Variants in PIP5K1B observed in about 807,000 individuals in gnomAD.
The protein encoded by PIP5K1B is phosphatidylinositol 4-phosphate 5-kinase type-1 beta.
Under a neutral mutation model 67.0 loss-of-function variants are expected in PIP5K1B, and 42 were observed. The observed-to-expected ratio is 0.63, with a 90% CI of 0.49 to 0.81. PIP5K1B has a LOEUF of 0.81. Ranked by LOEUF, PIP5K1B falls within the 30% of genes least tolerant of loss-of-function variation. The pLI, the probability that PIP5K1B is intolerant of heterozygous loss-of-function variation, is 0.00. For missense variants in PIP5K1B, 459 were observed against 646.3 expected, an observed-to-expected ratio of 0.71 and a Z score of 3.14; for synonymous variants, 214 against 231.4, an observed-to-expected ratio of 0.92 and a Z score of 0.68.
At chr9:68,720,229 C>A (rs1827822462) in intron 1 of PIP5K1B, among the ~76,000 whole-genome samples, 1 of 152,210 alleles carries the variant, frequency 6.6e-6, no homozygotes, top group African/African-American at 2.4e-5. Flanking sequence ...AGTAGCCTAG[C>A]ATCTAGCCTT....
chr9:68,937,041 T>C (rs1317141237), intron 13 of PIP5K1B, among the ~76,000 whole-genome samples: 1 of 152,324 alleles, frequency 6.6e-6, no homozygotes, highest in Admixed American at 6.5e-5. Context: ...TTGGCATCAA[T>C]GTTCATCAGA....
At chr9:68,885,316 G>C (rs1027031631) in intron 6 of PIP5K1B, among the ~76,000 whole-genome samples, 1 of 152,216 alleles carries the variant, frequency 6.6e-6, no homozygotes, top group Non-Finnish European at 1.5e-5. Flanking sequence ...GTAGTGGGTG[G>C]ATAGAGAATA....
chr9:68,880,170 G>T (rs1406774055), intron 6 of PIP5K1B, among the ~76,000 whole-genome samples: 1 of 152,180 alleles, frequency 6.6e-6, no homozygotes, highest in Admixed American at 6.5e-5. Context: ...GATCATGAAT[G>T]AGTTGTCCAT....
At chr9:68,941,020 A>T in intron 14 of PIP5K1B, 1 of 629,636 alleles carries the variant, frequency 1.6e-6, no homozygotes, top group South Asian at 1.5e-5. Context: ...TAGAAATTAT[A>T]TACTTGGCTC....
chr9:68,990,310 G>C (rs1422568891), intron 14 of PIP5K1B, among the ~76,000 whole-genome samples: 2 of 151,954 alleles, frequency 1.3e-5, no homozygotes, highest in Non-Finnish European at 2.9e-5. Context: ...TTTGTGGGAG[G>C]GATCCAAGAA....
At chr9:68,769,867 T>C (rs1830598492) in intron 2 of PIP5K1B, among the ~76,000 whole-genome samples, 3 of 152,238 alleles carry the variant, frequency 2.0e-5, no homozygotes, top group Admixed American at 6.5e-5. Context: ...TGGCACCCAG[T>C]TGGAACTTGA....
At chr9:68,899,731 A>G (rs1825267022) in intron 8 of PIP5K1B, among the ~76,000 whole-genome samples, 1 of 152,226 alleles carries the variant, frequency 6.6e-6, no homozygotes, top group Non-Finnish European at 1.5e-5. Flanking sequence ...TTCCCATGGA[A>G]GCAATGTTGT....
chr9:68,747,276 C>G (rs1298156995), intron 2 of PIP5K1B, among the ~76,000 whole-genome samples: 1 of 149,052 alleles, frequency 6.7e-6, no homozygotes, highest in African/African-American at 2.5e-5. Flanking sequence ...TGTGTCCTAT[C>G]TGGTTATTAT....
At chr9:68,918,966 T>C (rs548760541) in intron 9 of PIP5K1B, among the ~76,000 whole-genome samples, 3 of 152,078 alleles carry the variant, frequency 2.0e-5, no homozygotes, top group African/African-American at 7.2e-5. Flanking sequence ...AATAAATACA[T>C]ACACACACAC....
chr9:68,780,310 C>G, intron 2 of PIP5K1B: 2 of 1,601,178 alleles, frequency 1.2e-6, no homozygotes, highest in South Asian at 2.2e-5. Flanking sequence ...GACACTTCGC[C>G]GGTGTTCCAG....
chr9:68,888,462 T>TTA (rs763579429), intron 6 of PIP5K1B, among the ~76,000 whole-genome samples: 15 of 152,242 alleles, frequency 9.9e-5, no homozygotes, highest in Non-Finnish European at 2.1e-4. Flanking sequence ...GAAATGTCTA[T>TTA]TAAAGTGTTA....
At chr9:68,963,938 AAG>A in intron 14 of PIP5K1B, 1 of 152,316 alleles carries the variant, frequency 6.6e-6, no homozygotes, top group Non-Finnish European at 1.5e-5. Flanking sequence ...CACAGAGAAA[AAG>A]AACTTGAATA....
intron 2 of PIP5K1B, among the ~76,000 whole-genome samples, chr9:68,775,033 C>T (rs1412949256): frequency 1.3e-5 from 2 of 152,212 alleles, no homozygotes; most frequent in African/African-American, 2.4e-5. Flanking sequence ...GTGTAACCAT[C>T]ACTTATTTGC....
rs752068701 is a variant in PIP5K1B, at chr9:68,894,606, G to C, written c.739G>C (p.Ala247Pro). The change falls in exon 8 of 16, where the codon GCG becomes CCG. Residue 247 changes from alanine (A) to proline (P), a missense_variant. By Grantham distance (27) the Ala-to-Pro change is conservative. Around this residue, in one of 2 missense-constraint regions of PIP5K1B, gnomAD observed 290 missense variants for 474.4 expected, o/e 0.61. Transcript: ENST00000265382. Reference sequence around the variant, plus strand: ...GTATTTTGATACGGAAACATACAACGCGCTTATGAAAACACTTCAGAGAGA... The same window carrying C: ...GTATTTTGATACGGAAACATACAACCCGCTTATGAAAACACTTCAGAGAGA... ...GLYFDTETYN[A>P]LMKTLQRDCR... The C allele has an allele frequency of 1.2e-6, 2 of 1,614,084 alleles. No individual in the cohort carries two copies. The highest frequency in any genetic ancestry group is 3.3e-5 in the Admixed American group (2 of 60,032).
intron 8 of PIP5K1B, among the ~76,000 whole-genome samples, chr9:68,904,720 A>G (rs1249369710): frequency 3.3e-5 from 5 of 151,000 alleles, no homozygotes; most frequent in Non-Finnish European, 5.9e-5. Flanking sequence ...ATTCTGATTC[A>G]CTACAGAAAC....
At chr9:68,848,690 G>A (rs1822322661) in intron 4 of PIP5K1B, among the ~76,000 whole-genome samples, 1 of 152,146 alleles carries the variant, frequency 6.6e-6, no homozygotes, top group African/African-American at 2.4e-5. Context: ...CCCTGTGAGA[G>A]CATACAATTT....
rs181321223 is a variant in PIP5K1B, at chr9:68,706,665, A to G, written c.-243+903A>G. Among the ~76,000 whole-genome samples the G allele has an allele frequency of 4.6e-5, 7 of 152,064 alleles. No homozygotes were observed. In the East Asian group the frequency reaches 1.2e-3, roughly 25 times the overall value. The stretch of plus-strand genomic sequence containing the variant: ...AGAAATAACACCCACTATCATCACT[A>G]CCTCTCTGTGACATTCTCAGATGCA... On this transcript the variant is annotated intron_variant, in intron 1 of 15. Coordinates refer to ENST00000265382, the MANE Select transcript of PIP5K1B (RefSeq NM_003558.4).
intron 7 of PIP5K1B, 58 bp downstream of exon 7, chr9:68,889,191 GT>G (rs1295169688): frequency 2.2e-6 from 3 of 1,348,332 alleles, no homozygotes; most frequent in Non-Finnish European, 3.1e-6. Context: ...TTCCTCAACA[GT>G]TTTTTTCTGT....
At chr9:68,711,486 A>G (rs1156426038) in intron 1 of PIP5K1B, among the ~76,000 whole-genome samples, 1 of 152,250 alleles carries the variant, frequency 6.6e-6, no homozygotes, top group Non-Finnish European at 1.5e-5. Flanking sequence ...GGAACTTGGC[A>G]CTGTGTCTGG....
Sources: gnomAD v4.1 joint callset for allele counts (sites outside exome capture counted in the v4.1 genomes callset) on GRCh38, gnomAD v4.1.1 for gene constraint, gnomAD v4.1.1 regional missense constraint, MANE v1.5 for transcripts, NCBI Gene and HGNC (gene_info 2026-07-23, HGNC 2026-07-21) for gene names.